The following MX2 variants were observed in gnomAD, a reference collection of about 807,000 sequenced individuals.
MX2 encodes interferon-induced GTP-binding protein Mx2.
In MX2, 51 loss-of-function variants were observed where a neutral mutation model predicts 74.0. The observed-to-expected ratio is 0.69, with a 90% CI of 0.55 to 0.87. The LOEUF (loss-of-function observed/expected upper bound fraction) is 0.87. Among genes scored for constraint, MX2 ranks in the 40% least tolerant of loss-of-function variants. The pLI is 0.00. For missense variants in MX2, 832 were observed against 908.7 expected (o/e 0.92, Z 1.09); for synonymous variants, 369 against 339.3 (o/e 1.09, Z -0.96).
rs376274345 is a variant in MX2, at chr21:41,377,779, C to T, written c.250-10C>T. 4.4e-6 allele frequency: 7 copies of T among 1,604,146 alleles called. No homozygotes were observed. Among genetic ancestry groups the T allele is most frequent in the Non-Finnish European group, 5.1e-6 (6 of 1,172,492 alleles). ...GGTCAAGGCAGTGGCATCTGTTCTG[C>T]CTTCTCCAGGGGCCCGAGAACAACC... On this transcript the variant is annotated splice_polypyrimidine_tract_variant and intron_variant, in intron 2 of 13. Coordinates refer to ENST00000330714, the MANE Select transcript of MX2 (RefSeq NM_002463.2).
At chr21:41,379,116 C>T (rs551711925) in intron 3 of MX2, among the ~76,000 whole-genome samples, 14 of 152,328 alleles carry the variant, frequency 9.2e-5, no homozygotes, top group East Asian at 3.9e-4. Flanking sequence ...CAGCGTGTCC[C>T]GTAAGATGGC....
intron 1 of MX2, among the ~76,000 whole-genome samples, chr21:41,369,997 C>T (rs1038463357): frequency 2.6e-5 from 4 of 152,166 alleles, no homozygotes; most frequent in African/African-American, 9.7e-5. Flanking sequence ...CCAGTGTTTG[C>T]ATGTGGAGAT....
At position 41,388,428 on chromosome 21, in the gene MX2, A is replaced by G. The variant is rs1378185758; in HGVS notation, c.733-2137A>G. Reference sequence around the variant, plus strand: ...GCTCTGCCCGCATGGCTCTCCGCAGAGGGCATCCTTCATTCCTCGCGGGTT... The same window carrying G: ...GCTCTGCCCGCATGGCTCTCCGCAGGGGGCATCCTTCATTCCTCGCGGGTT... On this transcript the variant is annotated intron_variant, in intron 5 of 13. Coordinates refer to ENST00000330714, the MANE Select transcript of MX2 (RefSeq NM_002463.2). The surrounding 1 kb of genome is among the most constrained non-coding windows in gnomAD (Gnocchi z 4.0). Among the ~76,000 whole-genome samples the G allele has an allele frequency of 6.6e-6, 1 of 152,152 alleles. No homozygotes were observed. Among genetic ancestry groups the G allele is most frequent in the African/African-American group, 2.4e-5 (1 of 41,424 alleles).
intron 4 of MX2, among the ~76,000 whole-genome samples, chr21:41,381,271 T>C (rs1317484834): frequency 6.6e-6 from 1 of 152,232 alleles, no homozygotes; most frequent in Non-Finnish European, 1.5e-5. Context: ...CTTGCAATGT[T>C]CGTTGACATC....
chr21:41,391,286 A>G lies in MX2; in HGVS notation c.871+583A>G, dbSNP rs184365096. 2.8e-3 allele frequency among the ~76,000 whole-genome samples: 419 copies of G among 152,328 alleles called. 2 individuals are homozygous for G. The highest frequency in any genetic ancestry group is 4.1e-3 in the Non-Finnish European group (278 of 68,038). On this transcript the variant is annotated intron_variant, in intron 6 of 13. Transcript: ENST00000330714. ...TCTAAAAAAAAGGATCTATTTGAAT[A>G]TTAACATCTCCAAGGAAACTTAGTA...
At chr21:41,379,981 A>T in intron 3 of MX2, 36 bp from the exon 4 acceptor site, 1 of 1,610,536 alleles carries the variant, frequency 6.2e-7, no homozygotes, top group Non-Finnish European at 8.5e-7. Context: ...CTTCTTTAAA[A>T]GGAAACTGAG....
At chr21:41,365,389 C>A (rs928539787) in intron 1 of MX2, 1 of 152,196 alleles carries the variant, frequency 6.6e-6, no homozygotes, top group Admixed American at 6.5e-5. Flanking sequence ...CCACCCTCTA[C>A]CCTTGAGTAG....
At chr21:41,379,498 A>G (rs1215968002) in intron 3 of MX2, among the ~76,000 whole-genome samples, 2 of 151,792 alleles carry the variant, frequency 1.3e-5, no homozygotes, top group Non-Finnish European at 1.5e-5. Flanking sequence ...GGCTTTCACC[A>G]CCTTCTTCCC....
At chr21:41,381,821 A>C (rs1391897274) in intron 4 of MX2, among the ~76,000 whole-genome samples, 1 of 152,198 alleles carries the variant, frequency 6.6e-6, no homozygotes, top group African/African-American at 2.4e-5. Flanking sequence ...ACCATCTGGC[A>C]ATCTTCACTA....
intron 10 of MX2, chr21:41,401,629 A>G: frequency 5.9e-6 from 1 of 168,314 alleles, no homozygotes; most frequent in Non-Finnish European, 1.2e-5. Context: ...TCCCACCTTG[A>G]CCTCCCAAAG....
intron 10 of MX2, chr21:41,401,262 T>TTG (rs919800762): frequency 6.6e-6 from 1 of 152,128 alleles, no homozygotes; most frequent in Non-Finnish European, 1.5e-5. Flanking sequence ...AACCATCTCA[T>TTG]TGTGTGTGTG....
At chr21:41,404,074 C>T (rs1568950815) in intron 12 of MX2, 2 of 177,014 alleles carry the variant, frequency 1.1e-5, no homozygotes, top group South Asian at 1.1e-4. Context: ...TTGTCCTTCC[C>T]GGGCCTTGGT....
In MX2 at chr21:41,384,838, C is replaced by CAA. The variant is rs35609324; in HGVS notation, c.732+2288_732+2289dup. Among the ~76,000 whole-genome samples, 397 of 119,894 alleles carry CAA rather than the reference C, an allele frequency of 3.3e-3. 3 individuals carry two copies. Among genetic ancestry groups the CAA allele is most frequent in the African/African-American group, 8.9e-3 (329 of 36,838 alleles). The allele number at this position is 119,894 out of a possible 152,430, so 78.7% of individuals were successfully genotyped here. On this transcript the variant is annotated intron_variant, in intron 5 of 13. Coordinates refer to ENST00000330714, the MANE Select transcript of MX2 (RefSeq NM_002463.2). ...TGGGCCACAGAGTGAGATTCTGTCT[C>CAA]AAAAAAAAAAAAAAAGAATTAAAAA...
chr21:41,399,259 A>G lies in MX2; in HGVS notation c.1336A>G (p.Asn446Asp), dbSNP rs140327368. The G allele has an allele frequency of 1.5e-5, 25 of 1,613,824 alleles. No individual in the cohort carries two copies. Among genetic ancestry groups the G allele is most frequent in the Non-Finnish European group, 2.1e-5 (25 of 1,179,804 alleles). ...AGAAGGAGAAGAAGTTGTAAGGGAG[A>G]ATGAGACCCGTTTATACAACAAAAT... ...LVEGEEVVRE[N>D]ETRLYNKIRE... Residue 446 changes from asparagine (N) to aspartate (D), a missense_variant, in exon 10 of 14, where the codon AAT (asparagine) becomes GAT (aspartate). Coordinates refer to ENST00000330714, the MANE Select transcript of MX2 (RefSeq NM_002463.2).
chr21:41,389,231 AAGGCC>A (rs1456743208), intron 5 of MX2, among the ~76,000 whole-genome samples: 1 of 152,128 alleles, frequency 6.6e-6, no homozygotes, highest in Admixed American at 6.5e-5. Context: ...AAGGTTGCTT[AAGGCC>A]AGGTGCTGTG....
In MX2 at chr21:41,407,011, C is replaced by T. The variant is rs752600420; in HGVS notation, c.1905+13C>T. On this transcript the variant is annotated intron_variant, in intron 13 of 13. Coordinates refer to ENST00000330714, the MANE Select transcript of MX2 (RefSeq NM_002463.2). Reference sequence around the variant, plus strand: ...TGCCTACTTCTTGGTGAGTTCCCGGCGGGGCAGGAGCCGTGCTCTCTGAAA... The same window carrying T: ...TGCCTACTTCTTGGTGAGTTCCCGGTGGGGCAGGAGCCGTGCTCTCTGAAA... The T allele has an allele frequency of 3.0e-5, 49 of 1,607,754 alleles. No individual in the cohort carries two copies. Among genetic ancestry groups the T allele is most frequent in the Middle Eastern group, 1.7e-4 (1 of 6,058 alleles).
At chr21:41,397,353 T>C (rs116261774) in intron 7 of MX2, among the ~76,000 whole-genome samples, 2 of 152,224 alleles carry the variant, frequency 1.3e-5, no homozygotes, top group African/African-American at 4.8e-5. Context: ...TCCATGAGGC[T>C]GGGTTTGTTT....
At position 41,378,248 on chromosome 21, in the gene MX2, A is replaced by G. The variant is rs1403691925; in HGVS notation, c.442+267A>G. 2.0e-5 allele frequency among the ~76,000 whole-genome samples: 3 copies of G among 152,070 alleles called. No homozygotes were observed. The South Asian group carries it at 6.3e-4, about 32-fold the overall frequency. Reference sequence around the variant, plus strand: ...GGAGAGACAGACCATTGGGAGAGACAGGCTGCTGGGAGGGACAGGCCATTG... The same window carrying G: ...GGAGAGACAGACCATTGGGAGAGACGGGCTGCTGGGAGGGACAGGCCATTG... On this transcript the variant is annotated intron_variant, in intron 3 of 13. Coordinates refer to ENST00000330714, the MANE Select transcript of MX2 (RefSeq NM_002463.2).
intron 11 of MX2, 45 bp from the exon 12 acceptor site, chr21:41,403,222 T>C: frequency 6.9e-7 from 1 of 1,457,756 alleles, no homozygotes; most frequent in Non-Finnish European, 9.6e-7. Context: ...GCTTGCATTT[T>C]ACTGATGTTT....
Sources: gnomAD v4.1 joint callset for allele counts (sites outside exome capture counted in the v4.1 genomes callset) on GRCh38, gnomAD v4.1.1 for gene constraint, Gnocchi (gnomAD v3.1) non-coding constraint, MANE v1.5 for transcripts, NCBI Gene and HGNC (gene_info 2026-07-23, HGNC 2026-07-21) for gene names.